PCDH9: variants seen among roughly 807,000 people sequenced by gnomAD.
PCDH9 encodes the protein protocadherin-9.
PCDH9 carries 24 observed loss-of-function variants against 70.6 expected under a neutral mutation model. That is an observed-to-expected ratio of 0.34 (90% CI 0.25 to 0.48). PCDH9 has a LOEUF of 0.48. PCDH9 is among the 20% of genes least tolerant of loss of function. PCDH9 has a pLI of 0.99. For synonymous variants in PCDH9, 562 were observed against 558.5 expected (o/e 1.01, Z -0.09); for missense variants, 1,281 against 1,503.6 (o/e 0.85, Z 2.45).
intron 4 of PCDH9, among the ~76,000 whole-genome samples, chr13:66,445,433 G>T (rs1312440968): frequency 6.9e-6 from 1 of 144,734 alleles, no homozygotes; most frequent in Non-Finnish European, 1.5e-5. Context: ...TAAATTAATA[G>T]ATGTAGATGT....
chr13:66,908,586 A>G (rs1267044763), intron 2 of PCDH9, among the ~76,000 whole-genome samples: 1 of 152,206 alleles, frequency 6.6e-6, no homozygotes, highest in Non-Finnish European at 1.5e-5. Context: ...TTATACTTAC[A>G]TCTAGAAACT....
intron 2 of PCDH9, among the ~76,000 whole-genome samples, chr13:67,108,128 C>T (rs1377325640): frequency 6.6e-6 from 1 of 152,196 alleles, no homozygotes; most frequent in South Asian, 2.1e-4. Context: ...CCACACCTGG[C>T]TCACCCTTGG....
At chr13:66,317,356 G>A (rs1052911232) in intron 4 of PCDH9, among the ~76,000 whole-genome samples, 14 of 152,156 alleles carry the variant, frequency 9.2e-5, no homozygotes, top group Non-Finnish European at 4.4e-5. Flanking sequence ...AGAAACTTTG[G>A]TAAGAATTTA....
At chr13:67,206,155 TA>T (rs1210180772) in intron 2 of PCDH9, 1 of 152,130 alleles carries the variant, frequency 6.6e-6, no homozygotes, top group Non-Finnish European at 1.5e-5. Context: ...AAAATACTGT[TA>T]AAGTTTTTTT....
At chr13:66,821,407 A>G (rs1255050907) in intron 3 of PCDH9, among the ~76,000 whole-genome samples, 1 of 152,182 alleles carries the variant, frequency 6.6e-6, no homozygotes. Context: ...TTATATAAAC[A>G]TAAGCTAAAT....
chr13:66,338,790 C>A (rs1265903803), intron 4 of PCDH9, among the ~76,000 whole-genome samples: 1 of 151,842 alleles, frequency 6.6e-6, no homozygotes, highest in Non-Finnish European at 1.5e-5. Flanking sequence ...AATCTATCTC[C>A]TTTATGACTT....
chr13:66,908,517 A>G (rs529086864), intron 2 of PCDH9, among the ~76,000 whole-genome samples: 2 of 152,326 alleles, frequency 1.3e-5, no homozygotes, highest in Middle Eastern at 6.8e-3. Context: ...TTCTATTCAT[A>G]AGATAAGAAA....
chr13:66,833,170 C>T (rs1024037278), intron 3 of PCDH9, among the ~76,000 whole-genome samples: 1 of 152,136 alleles, frequency 6.6e-6, no homozygotes, highest in Non-Finnish European at 1.5e-5. Flanking sequence ...GAGAGCTATG[C>T]TGCTCTAACC....
In PCDH9 at chr13:66,848,519, C is replaced by T. The variant is rs947281225; in HGVS notation, c.3138+54985G>A. On this transcript the variant is annotated intron_variant, in intron 3 of 4. Transcript: ENST00000377865. ...ATGTGGGAGTATTAATAAATATCCA[C>T]ACTCTGTCACTAATGGCTAAATATA... is the stretch of plus-strand genomic sequence containing the variant. Among the ~76,000 whole-genome samples, 3 of 152,184 alleles carry T rather than the reference C, an allele frequency of 2.0e-5. No homozygotes were observed. The South Asian group carries it at 6.2e-4, about 31-fold the overall frequency.
chr13:66,467,490 C>T (rs897996431), intron 4 of PCDH9, among the ~76,000 whole-genome samples: 1 of 152,038 alleles, frequency 6.6e-6, no homozygotes, highest in African/African-American at 2.4e-5. Context: ...GCTAACTACC[C>T]TGAGAAAGAA....
chr13:66,762,191 T>C lies in PCDH9; in HGVS notation c.3139-130780A>G, dbSNP rs2079640047. Among the ~76,000 whole-genome samples, 2 of 152,044 alleles carry C rather than the reference T, an allele frequency of 1.3e-5. 1 individual carries two copies. Among genetic ancestry groups the C allele is most frequent in the South Asian group, 4.1e-4 (2 of 4,832 alleles). ...TTCCATGGCTGCTGAGGCTTTCACA[T>C]TGCCAGGGTATATCTTCAGCCCATG... On this transcript the variant is annotated intron_variant, in intron 3 of 4. Transcript: ENST00000377865.
At chr13:66,334,668 T>TA (rs35669434) in intron 4 of PCDH9, among the ~76,000 whole-genome samples, 2,790 of 151,222 alleles carry the variant, frequency 0.018, 94 homozygotes, top group African/African-American at 0.064. Flanking sequence ...TCTTTACTAC[T>TA]AAAAAAAAAG....
intron 3 of PCDH9, among the ~76,000 whole-genome samples, chr13:66,829,158 CAGG>C (rs2080878817): frequency 6.6e-6 from 1 of 152,090 alleles, no homozygotes; most frequent in Admixed American, 6.6e-5. Context: ...GCTGGGACTA[CAGG>C]CATGTGCCAC....
intron 2 of PCDH9, among the ~76,000 whole-genome samples, chr13:67,081,841 C>A (rs1411513642): frequency 6.6e-6 from 1 of 152,098 alleles, no homozygotes; most frequent in Non-Finnish European, 1.5e-5. Context: ...TGGCAAAAAT[C>A]AGGAGTTTAA....
At chr13:66,565,564 C>G (rs941766230) in intron 4 of PCDH9, among the ~76,000 whole-genome samples, 1 of 152,164 alleles carries the variant, frequency 6.6e-6, no homozygotes, top group Non-Finnish European at 1.5e-5. Context: ...TTAGATTTCA[C>G]ACTCTGCTGT....
Position 66,889,676 on chromosome 13 carries a change from G to A in PCDH9, c.3138+13828C>T, listed in dbSNP as rs145123376. Among the ~76,000 whole-genome samples, 22 of 152,294 alleles carry A rather than the reference G, an allele frequency of 1.4e-4. No homozygotes were observed. In the East Asian group the frequency reaches 4.3e-3, roughly 29 times the overall value. On this transcript the variant is annotated intron_variant, in intron 3 of 4. Transcript: ENST00000377865. ...CCCTCCGATTGCTACTACCAGGAGA[G>A]TAAACACTCTCTGGTTCTAGAATTA...
chr13:66,867,158 T>C (rs2139496417), intron 3 of PCDH9, among the ~76,000 whole-genome samples: 1 of 152,238 alleles, frequency 6.6e-6, no homozygotes, highest in African/African-American at 2.4e-5. Flanking sequence ...TTGTTAGTGG[T>C]TATCTCTCAG....
chr13:66,617,426 C>A (rs74724552), intron 4 of PCDH9, among the ~76,000 whole-genome samples: 4,442 of 152,224 alleles, frequency 0.029, 224 homozygotes, highest in African/African-American at 0.1. Flanking sequence ...AAAATGCTTT[C>A]TTTTTCCTTT....
At chr13:67,179,358 T>C (rs960027097) in intron 2 of PCDH9, among the ~76,000 whole-genome samples, 6 of 152,098 alleles carry the variant, frequency 3.9e-5, no homozygotes, top group Non-Finnish European at 7.4e-5. Context: ...TGTGATGGGA[T>C]CATTCAGACT....
Sources: allele counts gnomAD v4.1 joint callset (sites outside exome capture counted in the v4.1 genomes callset), GRCh38; gene constraint gnomAD v4.1.1; transcripts MANE v1.5; gene names NCBI Gene and HGNC (gene_info 2026-07-23, HGNC 2026-07-21).